PTK2: variants seen among roughly 807,000 people sequenced by gnomAD.
The protein encoded by PTK2 is protein tyrosine kinase 2.
In PTK2, 45 loss-of-function variants were observed where a neutral mutation model predicts 150.1. The observed-to-expected ratio is 0.30, with a 90% CI of 0.24 to 0.38. The LOEUF is 0.38. PTK2 is among the 10% of genes least tolerant of loss of function. The pLI is 1.00. For missense variants in PTK2, 919 were observed against 1,307.3 expected (o/e 0.70, Z 4.58); for synonymous variants, 432 against 449.2 (o/e 0.96, Z 0.48).
chr8:140,923,848 C>T (rs2100168430), intron 2 of PTK2, among the ~76,000 whole-genome samples: 1 of 152,172 alleles, frequency 6.6e-6, no homozygotes, highest in Non-Finnish European at 1.5e-5. Context: ...CCTGGCCTCA[C>T]CCCGGCCCAG....
intron 1 of PTK2, among the ~76,000 whole-genome samples, chr8:140,954,084 C>T (rs11782313): frequency 0.42 from 63,343 of 151,770 alleles, 15,144 homozygotes; most frequent in Non-Finnish European, 0.55. Context: ...AAGGAATTCT[C>T]CTGCCTCAGC....
At chr8:140,830,264 A>C (rs2100114584) in intron 8 of PTK2, among the ~76,000 whole-genome samples, 1 of 152,264 alleles carries the variant, frequency 6.6e-6, no homozygotes, top group East Asian at 1.9e-4. Flanking sequence ...AACACAATTA[A>C]GAAGTAAAAC....
At chr8:140,694,025 T>C (rs1410618585) in intron 26 of PTK2, among the ~76,000 whole-genome samples, 1 of 151,532 alleles carries the variant, frequency 6.6e-6, no homozygotes, top group African/African-American at 2.4e-5. Flanking sequence ...GCTAAGCATC[T>C]TTTTTTCTTT....
At chr8:140,733,396 G>C (rs1045079830) in intron 22 of PTK2, among the ~76,000 whole-genome samples, 45 of 152,116 alleles carry the variant, frequency 3.0e-4, no homozygotes, top group African/African-American at 1.0e-3. Context: ...AGACATCCTG[G>C]GAAGAGTAAT....
intron 14 of PTK2, among the ~76,000 whole-genome samples, chr8:140,772,485 G>A (rs2100076067): frequency 6.6e-6 from 1 of 152,226 alleles, no homozygotes; most frequent in African/African-American, 2.4e-5. Flanking sequence ...TGGACTGGAG[G>A]CTGGGGAAGG....
intron 14 of PTK2, among the ~76,000 whole-genome samples, chr8:140,773,376 A>C (rs529354750): frequency 6.6e-6 from 1 of 152,338 alleles, no homozygotes; most frequent in Non-Finnish European, 1.5e-5. Context: ...GGGAGAAGGA[A>C]GATAAAATAA....
At chr8:140,865,964 T>C (rs962471713) in intron 4 of PTK2, among the ~76,000 whole-genome samples, 5 of 152,112 alleles carry the variant, frequency 3.3e-5, no homozygotes, top group Non-Finnish European at 5.9e-5. Flanking sequence ...TTTGTATTTT[T>C]AGTAGGGCTG....
Position 140,762,718 on chromosome 8 carries a change from AG to A in PTK2, c.1235-1457del, listed in dbSNP as rs748607182. Among the ~76,000 whole-genome samples the A allele has an allele frequency of 3.9e-5, 6 of 152,326 alleles. No individual in the cohort carries two copies. In the South Asian group the frequency reaches 1.2e-3, roughly 32 times the overall value. ...TACAAATAAAAACTGGATTATCTGCAGGAATGTACAAGTGTCTATATGGCTA... is the reference window on the plus strand; with the variant it reads ...TACAAATAAAAACTGGATTATCTGCAGAATGTACAAGTGTCTATATGGCTA... On this transcript the variant is annotated intron_variant, in intron 15 of 31. Coordinates refer to ENST00000522684, the Ensembl canonical transcript of PTK2.
At chr8:140,817,152 A>G (rs771444919) in intron 10 of PTK2, among the ~76,000 whole-genome samples, 3 of 152,104 alleles carry the variant, frequency 2.0e-5, no homozygotes, top group Non-Finnish European at 4.4e-5. Flanking sequence ...CAAGTAGGAC[A>G]GTGTGCCTGA....
At chr8:140,725,167 T>C (rs2100045010) in intron 22 of PTK2, among the ~76,000 whole-genome samples, 1 of 140,608 alleles carries the variant, frequency 7.1e-6, no homozygotes, top group African/African-American at 2.6e-5. Context: ...GGGGTTTTGC[T>C]CTGTCACCCA....
intron 1 of PTK2, among the ~76,000 whole-genome samples, chr8:140,985,219 G>A (rs539405014): frequency 6.6e-6 from 1 of 152,134 alleles, no homozygotes; most frequent in African/African-American, 2.4e-5. Flanking sequence ...AACCTTCCGG[G>A]CTCAAGCAAT....
chr8:140,727,332 C>T (rs2037372759), intron 22 of PTK2, among the ~76,000 whole-genome samples: 1 of 152,050 alleles, frequency 6.6e-6, no homozygotes, highest in Non-Finnish European at 1.5e-5. Context: ...TTCAGATTTG[C>T]AGTTTGTTTT....
At chr8:140,889,213 CTT>C (rs2100153390) in intron 3 of PTK2, among the ~76,000 whole-genome samples, 1 of 151,976 alleles carries the variant, frequency 6.6e-6, no homozygotes, top group Non-Finnish European at 1.5e-5. Context: ...ATATACAAGA[CTT>C]TAGCCTTAAA....
chr8:140,925,643 T>C lies in PTK2; in HGVS notation c.-33+18A>G. 5 of 985,162 alleles carry C rather than the reference T, an allele frequency of 5.1e-6. No individual in the cohort carries two copies. The highest frequency in any genetic ancestry group is 6.0e-6 in the Non-Finnish European group (5 of 829,680). 61.0% of individuals were successfully genotyped at this position (985,162 alleles called of 1,614,324 possible). On this transcript the variant is annotated intron_variant, in intron 2 of 31. Coordinates refer to ENST00000522684, the Ensembl canonical transcript of PTK2. Reference sequence around the variant, plus strand: ...CATTATTCACTTTCTTTGCAAAGTTTCTTAACCATTACTATACCTCCCTTC... The same window carrying C: ...CATTATTCACTTTCTTTGCAAAGTTCCTTAACCATTACTATACCTCCCTTC...
intron 26 of PTK2, chr8:140,686,916 C>A: frequency 1.9e-6 from 1 of 536,780 alleles, no homozygotes. Flanking sequence ...AGACTGGTAC[C>A]TGCACTGGCC....
intron 14 of PTK2, 100 bp from the exon 17 acceptor site, chr8:140,764,390 A>G: frequency 1.1e-6 from 1 of 879,130 alleles, no homozygotes; most frequent in Non-Finnish European, 1.8e-6. Context: ...TAAATCCTCT[A>G]CTACGCTGAA....
chr8:140,762,422 A>C, intron 15 of PTK2, 34 bp from the exon 18 acceptor site: 1 of 1,110,362 alleles, frequency 9.0e-7, no homozygotes, highest in Non-Finnish European at 1.1e-6. Context: ...AAAATTGAAG[A>C]CCTTGCTTAG....
At chr8:140,843,033 C>T (rs1378857021) in intron 7 of PTK2, among the ~76,000 whole-genome samples, 1 of 152,068 alleles carries the variant, frequency 6.6e-6, no homozygotes, top group Non-Finnish European at 1.5e-5. Context: ...TGACCCCTGA[C>T]AAAAACTGCG....
At chr8:140,709,439 G>A (rs2100035570) in intron 23 of PTK2, among the ~76,000 whole-genome samples, 3 of 152,218 alleles carry the variant, frequency 2.0e-5, no homozygotes, top group Admixed American at 2.0e-4. Context: ...CATGGAGAGT[G>A]CAAATGTATT....
Sources: gnomAD v4.1 joint callset for allele counts (sites outside exome capture counted in the v4.1 genomes callset) on GRCh38, gnomAD v4.1.1 for gene constraint, MANE v1.5 for transcripts, NCBI Gene and HGNC (gene_info 2026-07-23, HGNC 2026-07-21) for gene names.